RBFOX1: variants seen among roughly 807,000 people sequenced by gnomAD.
RBFOX1 encodes the protein RNA binding fox-1 homolog 1.
Under a neutral mutation model 57.7 loss-of-function variants are expected in RBFOX1, and 8 were observed. The observed-to-expected ratio is 0.14, with a 90% CI of 0.08 to 0.25. RBFOX1 has a LOEUF of 0.25. RBFOX1 is among the 10% of genes least tolerant of loss of function. RBFOX1 has a pLI of 1.00. For synonymous variants in RBFOX1, 326 were observed against 222.4 expected, an observed-to-expected ratio of 1.47 and a Z score of -4.15; for missense variants, 611 against 548.5, an observed-to-expected ratio of 1.11 and a Z score of -1.14.
intron 4 of RBFOX1, among the ~76,000 whole-genome samples, chr16:7,147,430 C>T (rs368547112): frequency 4.6e-4 from 70 of 152,008 alleles, no homozygotes; most frequent in African/African-American, 1.6e-3. Context: ...AGGTGGTGGG[C>T]GTAGTACTTG....
chr16:5,434,603 G>A (rs868024580), intron 1 of RBFOX1, among the ~76,000 whole-genome samples: 2 of 151,926 alleles, frequency 1.3e-5, no homozygotes, highest in South Asian at 2.1e-4. Context: ...ACAGGCAAGA[G>A]CCACCATGCC....
intron 4 of RBFOX1, among the ~76,000 whole-genome samples, chr16:7,197,726 G>A (rs955640286): frequency 6.6e-6 from 1 of 152,168 alleles, no homozygotes. Flanking sequence ...TATCCCTGTA[G>A]TAGAACGTTA....
At chr16:7,187,360 G>C (rs1430426434) in intron 4 of RBFOX1, among the ~76,000 whole-genome samples, 1 of 151,996 alleles carries the variant, frequency 6.6e-6, no homozygotes, top group African/African-American at 2.4e-5. Context: ...ATTGTGTGAA[G>C]TCTTACAAAG....
In RBFOX1 at chr16:6,565,748, G is replaced by A. The variant is rs139101192; in HGVS notation, c.-63-88855G>A. 9.0e-4 allele frequency among the ~76,000 whole-genome samples: 137 copies of A among 152,356 alleles called. No homozygotes were observed. In the Middle Eastern group the frequency reaches 0.017, roughly 19 times the overall value. Reference sequence around the variant, plus strand: ...TTTCCAAAGTGCTGGGATTACAGGTGTGAGTCACTGCACCCAGCTCACTTT... The same window carrying A: ...TTTCCAAAGTGCTGGGATTACAGGTATGAGTCACTGCACCCAGCTCACTTT... On this transcript the variant is annotated intron_variant, in intron 2 of 15. Coordinates refer to ENST00000550418, the MANE Select transcript of RBFOX1 (RefSeq NM_018723.4).
At chr16:5,724,262 A>C (rs563186057) in intron 3 of RBFOX1, among the ~76,000 whole-genome samples, 1 of 152,326 alleles carries the variant, frequency 6.6e-6, no homozygotes, top group African/African-American at 2.4e-5. Context: ...TGTCTGGGGT[A>C]GTTGTCAGAG....
chr16:6,749,625 C>T (rs1313694572), intron 3 of RBFOX1, among the ~76,000 whole-genome samples: 1 of 152,120 alleles, frequency 6.6e-6, no homozygotes, highest in Non-Finnish European at 1.5e-5. Flanking sequence ...CATATACATT[C>T]TTCATCTCCT....
intron 1 of RBFOX1, among the ~76,000 whole-genome samples, chr16:6,222,543 A>G (rs938054787): frequency 6.6e-6 from 1 of 151,948 alleles, no homozygotes; most frequent in Non-Finnish European, 1.5e-5. Context: ...ATCGGCTTCT[A>G]GATGAGGACT....
At chr16:7,591,565 G>A (rs1335748252) in intron 7 of RBFOX1, among the ~76,000 whole-genome samples, 1 of 152,160 alleles carries the variant, frequency 6.6e-6, no homozygotes, top group Non-Finnish European at 1.5e-5. Flanking sequence ...ATCCTCTTAA[G>A]GTCCCCGTTA....
chr16:6,186,622 TGC>T (rs1375112188), intron 1 of RBFOX1, among the ~76,000 whole-genome samples: 4 of 152,078 alleles, frequency 2.6e-5, no homozygotes, highest in Admixed American at 2.6e-4. Context: ...GTGTGGACCA[TGC>T]CATAGGCTGT....
At chr16:6,868,350 T>A (rs1361714916) in intron 3 of RBFOX1, among the ~76,000 whole-genome samples, 4 of 152,190 alleles carry the variant, frequency 2.6e-5, no homozygotes, top group African/African-American at 9.6e-5. Context: ...ATGATAAGTG[T>A]CTATAAAGGG....
At chr16:6,670,132 T>C (rs1833449949) in intron 3 of RBFOX1, among the ~76,000 whole-genome samples, 1 of 152,138 alleles carries the variant, frequency 6.6e-6, no homozygotes, top group African/African-American at 2.4e-5. Context: ...AGTAGTTATA[T>C]AGTACCAAGT....
rs35524908 is a variant in RBFOX1, at chr16:6,966,893, C to CTCCA, written c.-15-85122_-15-85119dup. 6.0e-3 allele frequency among the ~76,000 whole-genome samples: 900 copies of CTCCA among 149,582 alleles called. 5 individuals are homozygous for CTCCA. The highest frequency in any genetic ancestry group is 8.7e-3 in the Admixed American group (131 of 15,032). ...TATCCATGTATCCATCTATTCATCTCTCCATCCATCCATCCATCCATCCAT... is the reference window on the plus strand; with the variant it reads ...TATCCATGTATCCATCTATTCATCTCTCCATCCATCCATCCATCCATCCATCCAT... On this transcript the variant is annotated intron_variant, in intron 3 of 15. Coordinates refer to ENST00000550418, the MANE Select transcript of RBFOX1 (RefSeq NM_018723.4).
At chr16:5,581,444 A>G (rs1320007390) in intron 2 of RBFOX1, among the ~76,000 whole-genome samples, 1 of 152,260 alleles carries the variant, frequency 6.6e-6, no homozygotes, top group Non-Finnish European at 1.5e-5. Context: ...ACCTTGGAAC[A>G]GGAATGGAGT....
chr16:7,381,529 G>T (rs2097782233), intron 4 of RBFOX1, among the ~76,000 whole-genome samples: 1 of 150,874 alleles, frequency 6.6e-6, no homozygotes, highest in African/African-American at 2.4e-5. Flanking sequence ...TTTATTAACA[G>T]CTTCACAGTG....
At chr16:7,672,237 C>G (rs982232149) in intron 13 of RBFOX1, among the ~76,000 whole-genome samples, 1 of 152,170 alleles carries the variant, frequency 6.6e-6, no homozygotes, top group Non-Finnish European at 1.5e-5. Flanking sequence ...TCAACATATT[C>G]ATTGGAATGT....
At chr16:6,089,519 A>G (rs1004486812) in intron 1 of RBFOX1, among the ~76,000 whole-genome samples, 1 of 152,244 alleles carries the variant, frequency 6.6e-6, no homozygotes, top group Non-Finnish European at 1.5e-5. Flanking sequence ...TGTAAATCTT[A>G]GACTAAAATC....
intron 3 of RBFOX1, among the ~76,000 whole-genome samples, chr16:6,948,581 C>T (rs2080048522): frequency 6.6e-6 from 1 of 151,662 alleles, no homozygotes; most frequent in African/African-American, 2.4e-5. Context: ...AGGGTTTCAC[C>T]ATGTTGGCCA....
At chr16:5,781,685 T>G (rs1261577434) in intron 3 of RBFOX1, among the ~76,000 whole-genome samples, 2 of 152,226 alleles carry the variant, frequency 1.3e-5, no homozygotes, top group Non-Finnish European at 2.9e-5. Context: ...TTACAAGAAC[T>G]GGTGGCAGGC....
At chr16:6,999,862 A>G (rs2092630417) in intron 3 of RBFOX1, among the ~76,000 whole-genome samples, 1 of 152,088 alleles carries the variant, frequency 6.6e-6, no homozygotes, top group African/African-American at 2.4e-5. Flanking sequence ...ACTTGAGGTC[A>G]GGAGTTTGAG....
Sources: gnomAD v4.1 joint callset for allele counts (sites outside exome capture counted in the v4.1 genomes callset) on GRCh38, gnomAD v4.1.1 for gene constraint, MANE v1.5 for transcripts, NCBI Gene and HGNC (gene_info 2026-07-23, HGNC 2026-07-21) for gene names.